Variants in LOC400499 observed in about 807,000 individuals in gnomAD.
chr16:11,405,135 C>T, the LOC400499 span, among the ~76,000 whole-genome samples: 2 of 152,176 alleles, frequency 1.3e-5, no homozygotes, highest in East Asian at 3.8e-4. Context: ...AGCTGTGTGG[C>T]TCTGGGCATT....
At chr16:11,503,582 G>A in the LOC400499 span, among the ~76,000 whole-genome samples, 1 of 152,170 alleles carries the variant, frequency 6.6e-6, no homozygotes, top group African/African-American at 2.4e-5. Context: ...CTGCTTCCCT[G>A]ACCCTGGGCC....
the LOC400499 span, among the ~76,000 whole-genome samples, chr16:11,385,569 G>T: frequency 6.6e-6 from 1 of 152,222 alleles, no homozygotes; most frequent in Non-Finnish European, 1.5e-5. Context: ...AGCAGCCAGA[G>T]GCCCAGGGAT....
chr16:11,396,756 A>G, the LOC400499 span: 30 of 1,149,218 alleles, frequency 2.6e-5, no homozygotes, highest in African/African-American at 4.8e-5. Flanking sequence ...CCGAGAATGC[A>G]GCAGCAGCTG....
chr16:11,496,359 G>A, the LOC400499 span, among the ~76,000 whole-genome samples: 37 of 152,258 alleles, frequency 2.4e-4, no homozygotes, highest in African/African-American at 8.4e-4. Context: ...GAGCCACCAC[G>A]CCCGAGCTGC....
the LOC400499 span, among the ~76,000 whole-genome samples, chr16:11,410,819 A>G: frequency 2.6e-5 from 4 of 152,312 alleles, no homozygotes; most frequent in East Asian, 7.7e-4. Flanking sequence ...GGGACAGAGG[A>G]ACCTGGCCTA....
chr16:11,384,115 C>T, the LOC400499 span: 1 of 1,222,856 alleles, frequency 8.2e-7, no homozygotes. Flanking sequence ...CTACGAAGTC[C>T]TCTGCAGAGC....
chr16:11,437,876 A>G, the LOC400499 span, among the ~76,000 whole-genome samples: 1 of 152,182 alleles, frequency 6.6e-6, no homozygotes, highest in Admixed American at 6.5e-5. Context: ...CTCGAAAAAT[A>G]CTAATGATAA....
At chr16:11,450,272 A>G in the LOC400499 span, among the ~76,000 whole-genome samples, 1 of 152,218 alleles carries the variant, frequency 6.6e-6, no homozygotes, top group Non-Finnish European at 1.5e-5. Flanking sequence ...CATCAAACCG[A>G]CTTACGTCCT....
the LOC400499 span, chr16:11,380,929 A>G: frequency 8.2e-5 from 13 of 159,280 alleles, no homozygotes; most frequent in South Asian, 1.1e-3. Context: ...CATCGAGTCC[A>G]AGGCTGCCTC....
the LOC400499 span, among the ~76,000 whole-genome samples, chr16:11,427,584 T>C: frequency 4.0e-5 from 6 of 151,758 alleles, no homozygotes; most frequent in African/African-American, 1.5e-4. Flanking sequence ...GCTGGGACTG[T>C]AGGCATGCAC....
chr16:11,420,569 A>G, the LOC400499 span, among the ~76,000 whole-genome samples: 93 of 150,064 alleles, frequency 6.2e-4, 1 homozygote, highest in Non-Finnish European at 1.5e-4. Context: ...CATTGTGCAC[A>G]TGTACCCTAA....
the LOC400499 span, chr16:11,460,415 A>G: frequency 6.8e-6 from 10 of 1,461,702 alleles, no homozygotes; most frequent in Non-Finnish European, 9.1e-6. Flanking sequence ...CAGGGTACTC[A>G]GATCACCACT....
chr16:11,501,946 T>A, the LOC400499 span: 2 of 394,496 alleles, frequency 5.1e-6, no homozygotes, highest in Non-Finnish European at 8.9e-6. Context: ...GACAAGTCAG[T>A]GTCAAGGGGA....
chr16:11,484,617 G>A, the LOC400499 span, among the ~76,000 whole-genome samples: 1 of 152,166 alleles, frequency 6.6e-6, no homozygotes, highest in African/African-American at 2.4e-5. Flanking sequence ...CTGGTGACAT[G>A]GGTGTATTGA....
the LOC400499 span, among the ~76,000 whole-genome samples, chr16:11,482,192 G>A: frequency 1.3e-5 from 2 of 152,272 alleles, no homozygotes; most frequent in South Asian, 4.1e-4. Flanking sequence ...CCCAAGAGAT[G>A]TAAACAAGCA....
chr16:11,474,820 T>A, the LOC400499 span, among the ~76,000 whole-genome samples: 4 of 152,196 alleles, frequency 2.6e-5, no homozygotes, highest in East Asian at 7.7e-4. Context: ...CAGTGAGCCA[T>A]GATTGCACCA....
the LOC400499 span, chr16:11,475,772 A>T: frequency 2.5e-6 from 1 of 397,694 alleles, no homozygotes; most frequent in Non-Finnish European, 4.4e-6. Context: ...TCATTAGACA[A>T]GTAACACCTT....
chr16:11,384,046 A>C, the LOC400499 span: 1 of 1,231,744 alleles, frequency 8.1e-7, no homozygotes, highest in South Asian at 4.1e-5. Flanking sequence ...CTCCTGCTGG[A>C]CCATGTGGCT....
At chr16:11,387,659 A>G in the LOC400499 span, among the ~76,000 whole-genome samples, 1 of 151,990 alleles carries the variant, frequency 6.6e-6, no homozygotes, top group Non-Finnish European at 1.5e-5. Flanking sequence ...TAAGAATCTC[A>G]TTCTGTCGCC....
Sources: allele counts gnomAD v4.1 joint callset (sites outside exome capture counted in the v4.1 genomes callset), GRCh38; gene constraint gnomAD v4.1.1; transcripts MANE v1.5.